The following KAZN variants were observed in gnomAD, a reference collection of about 807,000 sequenced individuals.
KAZN encodes kazrin, periplakin interacting protein.
A neutral mutation model predicts 87.4 loss-of-function variants in KAZN; 40 were observed. The observed-to-expected ratio is 0.46, with a 90% CI of 0.36 to 0.60. The LOEUF is 0.60. Ranked by LOEUF, KAZN falls within the 20% of genes least tolerant of loss-of-function variation. The pLI is 0.00. For synonymous variants in KAZN, 466 were observed against 458.3 expected, an observed-to-expected ratio of 1.02 and a Z score of -0.22; for missense variants, 898 against 1,073.9, an observed-to-expected ratio of 0.84 and a Z score of 2.29.
intron 1 of KAZN, among the ~76,000 whole-genome samples, chr1:14,161,927 C>T (rs1040715538): frequency 6.6e-6 from 1 of 152,154 alleles, no homozygotes; most frequent in Non-Finnish European, 1.5e-5. Flanking sequence ...GAGAAGTTAC[C>T]TCCTTCTCAC....
At chr1:14,267,730 G>A (rs572163465) in intron 2 of KAZN, among the ~76,000 whole-genome samples, 1 of 152,146 alleles carries the variant, frequency 6.6e-6, no homozygotes, top group Non-Finnish European at 1.5e-5. Context: ...CACTTTGAGA[G>A]GCTGAGGCGG....
intron 1 of KAZN, among the ~76,000 whole-genome samples, chr1:14,805,283 GT>G (rs1406437411): frequency 6.6e-6 from 1 of 152,172 alleles, no homozygotes; most frequent in Non-Finnish European, 1.5e-5. Flanking sequence ...TCACGCTGGG[GT>G]GTTGCTTCAG....
intron 1 of KAZN, among the ~76,000 whole-genome samples, chr1:14,072,499 C>T (rs1013737743): frequency 6.6e-6 from 1 of 152,152 alleles, no homozygotes; most frequent in Non-Finnish European, 1.5e-5. Flanking sequence ...TCTGTGCCTC[C>T]ACCTACCTAT....
rs149494771 is a variant in KAZN at position 14,123,050 on chromosome 1, C to T, written c.92-57385C>T. The stretch of plus-strand genomic sequence containing the variant: ...AAATCCAGAAAAGATGTAAAAATTA[C>T]GTGGGAATGTAAATAATAGATCAAA... On this transcript the variant is annotated intron_variant, in intron 1 of 16. Coordinates refer to the KAZN transcript ENST00000636203. Among the ~76,000 whole-genome samples, 981 of 152,230 alleles carry T rather than the reference C, an allele frequency of 6.4e-3. 9 individuals are homozygous for T. The highest frequency in any genetic ancestry group is 0.029 in the South Asian group (140 of 4,826).
chr1:14,920,445 G>T (rs1658379700), intron 1 of KAZN, among the ~76,000 whole-genome samples: 2 of 151,472 alleles, frequency 1.3e-5, no homozygotes, highest in Non-Finnish European at 2.9e-5. Flanking sequence ...AAAATGAGTT[G>T]CCGGGAGGAC....
rs553992508 is a variant in KAZN at position 13,893,397 on chromosome 1, AT to A, written c.-264del. 4.1e-4 allele frequency: 153 copies of A among 371,168 alleles called. 1 individual carries two copies. The highest frequency in any genetic ancestry group is 3.0e-3 in the African/African-American group (142 of 47,736). The allele number at this position is 371,168 out of a possible 1,614,324, so 23.0% of individuals were successfully genotyped here. ...GACTCCTGGTTAGGGGGAAACTTAG[AT>A]TTTTCTTTTGCATGGAACTGCTGCT... On this transcript the variant is annotated 5_prime_UTR_variant, in exon 1 of 17. Transcript: ENST00000636203.
intron 1 of KAZN, among the ~76,000 whole-genome samples, chr1:14,853,535 G>C (rs1422917420): frequency 2.0e-5 from 3 of 152,136 alleles, no homozygotes; most frequent in Non-Finnish European, 4.4e-5. Flanking sequence ...GTAGGAGGGG[G>C]ATTTGAACCC....
intron 2 of KAZN, among the ~76,000 whole-genome samples, chr1:14,385,420 G>GGC (rs1661786721): frequency 3.9e-5 from 6 of 151,990 alleles, no homozygotes; most frequent in African/African-American, 1.4e-4. Flanking sequence ...GTCAATTTTG[G>GGC]ATCTTTCCTG....
At chr1:13,941,127 G>A (rs1237138027) in intron 1 of KAZN, among the ~76,000 whole-genome samples, 4 of 152,102 alleles carry the variant, frequency 2.6e-5, no homozygotes, top group South Asian at 2.1e-4. Context: ...CCTAGGAGGT[G>A]GAGGTTGCAG....
At chr1:14,165,350 C>T (rs78914405) in intron 1 of KAZN, among the ~76,000 whole-genome samples, 4,384 of 151,798 alleles carry the variant, frequency 0.029, 210 homozygotes, top group African/African-American at 0.1. Flanking sequence ...GCCTTAGCCC[C>T]GTGTCTTCCT....
In KAZN at chr1:14,996,593, C is replaced by T. The variant is rs144841932; in HGVS notation, c.418+35718C>T. On this transcript the variant is annotated intron_variant, in intron 2 of 14. Transcript: ENST00000376030. The surrounding 1 kb of genome is among the most constrained non-coding windows in gnomAD (Gnocchi z 5.9). ...AGTGGGGAGAAGGCTTATGGCAACG[C>T]GTTTCTGCCGCCAGCACCCTCCCAC... Among the ~76,000 whole-genome samples, 340 of 152,338 alleles carry T rather than the reference C, an allele frequency of 2.2e-3. No homozygotes were observed. Among genetic ancestry groups the T allele is most frequent in the Middle Eastern group, 6.8e-3 (2 of 294 alleles).
intron 8 of KAZN, among the ~76,000 whole-genome samples, chr1:15,093,910 T>A (rs928619866): frequency 6.6e-6 from 1 of 152,240 alleles, no homozygotes; most frequent in Non-Finnish European, 1.5e-5. Flanking sequence ...GTCCCAAGAT[T>A]TATTTGCCTT....
chr1:14,433,872 AAAG>A (rs1666224693), intron 2 of KAZN, among the ~76,000 whole-genome samples: 1 of 152,332 alleles, frequency 6.6e-6, no homozygotes, highest in South Asian at 2.1e-4. Flanking sequence ...AAACAAAAAA[AAAG>A]GAGACAGTGA....
chr1:14,091,051 G>T (rs1393427289), intron 1 of KAZN, among the ~76,000 whole-genome samples: 1 of 146,850 alleles, frequency 6.8e-6, no homozygotes, highest in Admixed American at 6.9e-5. Flanking sequence ...GGCAGAGGTT[G>T]CAGTGAGCTG....
At chr1:14,276,160 GGTGTGT>G (rs5772575) in intron 2 of KAZN, among the ~76,000 whole-genome samples, 4,899 of 135,672 alleles carry the variant, frequency 0.036, 228 homozygotes, top group African/African-American at 0.11. Context: ...TCGCTATAAG[GGTGTGT>G]GTGTGTGTGT....
At chr1:15,095,451 C>T (rs1640765706) in intron 10 of KAZN, among the ~76,000 whole-genome samples, 1 of 152,142 alleles carries the variant, frequency 6.6e-6, no homozygotes, top group African/African-American at 2.4e-5. Flanking sequence ...GGCTGCAGGG[C>T]CTTCTCATCA....
At chr1:14,609,761 G>T (rs753818440) in intron 1 of KAZN, among the ~76,000 whole-genome samples, 1 of 152,230 alleles carries the variant, frequency 6.6e-6, no homozygotes, top group Non-Finnish European at 1.5e-5. Context: ...CCTTCCAAGT[G>T]GTCCATGTGA....
rs543371776 is a variant in KAZN at position 14,480,261 on chromosome 1, G to T, written c.250-118722G>T. On this transcript the variant is annotated intron_variant, in intron 2 of 16. Coordinates refer to the KAZN transcript ENST00000636203. ...TAATCTGCAAAGGGGACCTTCTATA[G>T]GTCAGGTGGGCTCTGCGCATATGCA... 1.1e-3 allele frequency among the ~76,000 whole-genome samples: 164 copies of T among 152,314 alleles called. 1 individual carries two copies. The highest frequency in any genetic ancestry group is 3.8e-3 in the African/African-American group (157 of 41,558).
intron 2 of KAZN, among the ~76,000 whole-genome samples, chr1:14,381,184 G>A (rs1392086526): frequency 1.3e-5 from 2 of 151,966 alleles, no homozygotes; most frequent in East Asian, 3.9e-4. Context: ...AATGACAAAG[G>A]GATTGATACA....
Sources: allele counts gnomAD v4.1 joint callset (sites outside exome capture counted in the v4.1 genomes callset), GRCh38; gene constraint gnomAD v4.1.1; non-coding constraint Gnocchi (gnomAD v3.1); transcripts MANE v1.5; gene names NCBI Gene and HGNC (gene_info 2026-07-23, HGNC 2026-07-21).